RASAL2: variants seen among roughly 807,000 people sequenced by gnomAD.
RASAL2 encodes the protein ras GTPase-activating protein nGAP.
RASAL2 carries 58 observed loss-of-function variants against 128.9 expected under a neutral mutation model. That is an observed-to-expected ratio of 0.45 (90% CI 0.36 to 0.56). The LOEUF (loss-of-function observed/expected upper bound fraction) is 0.56. Ranked by LOEUF, RASAL2 falls within the 20% of genes least tolerant of loss-of-function variation. The pLI, the probability that RASAL2 is intolerant of heterozygous loss-of-function variation, is 0.00. For synonymous variants in RASAL2, 561 were observed against 580.8 expected (o/e 0.97, Z 0.49); for missense variants, 1,360 against 1,601.6 (o/e 0.85, Z 2.57).
rs1648718281 is a variant in RASAL2 at position 178,477,007 on chromosome 1, C to G, written c.*3768C>G. 1 of 152,550 alleles carries G rather than the reference C, an allele frequency of 6.6e-6. No homozygotes were observed. Among genetic ancestry groups the G allele is most frequent in the Non-Finnish European group, 1.5e-5 (1 of 68,074 alleles). The allele number at this position is 152,550 out of a possible 1,614,324, so 9.4% of individuals were successfully genotyped here. On this transcript the variant is annotated 3_prime_UTR_variant, in exon 18 of 18. Transcript: ENST00000367649. ...CTCTTCAGGATTACCTCAGTCCCAT[C>G]AGTCTACCCCATTGTGACATTGAGC... is the stretch of plus-strand genomic sequence containing the variant.
chr1:178,106,414 A>G (rs1237047142), intron 1 of RASAL2, among the ~76,000 whole-genome samples: 1 of 152,158 alleles, frequency 6.6e-6, no homozygotes, highest in Non-Finnish European at 1.5e-5. Context: ...TGAGTGAGGA[A>G]ACCCAAGGCC....
chr1:178,255,255 G>T (rs1553265891), intron 1 of RASAL2, among the ~76,000 whole-genome samples: 1 of 150,714 alleles, frequency 6.6e-6, no homozygotes, highest in Non-Finnish European at 1.5e-5. Context: ...AAATCCAAAT[G>T]AAAAAAAACA....
chr1:178,457,927 C>G lies in RASAL2; in HGVS notation c.2635C>G (p.Leu879Val), dbSNP rs759217846. ...DVPIRLTGSQ[L>V]SITQVASIKQ... is the part of the protein sequence containing the mutation. ...GCCTATACGCTTGACCGGAAGCCAGCTTTCCATAACCCAGGTGGCCAGCAT... is the reference window on the plus strand; with the variant it reads ...GCCTATACGCTTGACCGGAAGCCAGGTTTCCATAACCCAGGTGGCCAGCAT... Residue 879 changes from leucine to valine, a missense_variant, in exon 14 of 18, where the codon CTT becomes GTT. Transcript: ENST00000367649. The G allele has an allele frequency of 1.4e-5, 23 of 1,614,170 alleles. No individual in the cohort carries two copies. Among genetic ancestry groups the G allele is most frequent in the Middle Eastern group, 3.3e-4 (2 of 6,062 alleles).
chr1:178,152,263 G>A (rs1338039076), intron 1 of RASAL2, among the ~76,000 whole-genome samples: 1 of 152,108 alleles, frequency 6.6e-6, no homozygotes, highest in African/African-American at 2.4e-5. Context: ...GGTACTGGGA[G>A]GGTGGTTCAC....
At chr1:178,209,559 TC>T (rs1443940833) in intron 1 of RASAL2, among the ~76,000 whole-genome samples, 1 of 152,194 alleles carries the variant, frequency 6.6e-6, no homozygotes, top group Non-Finnish European at 1.5e-5. Context: ...ATGTCTTTAT[TC>T]CCATTGTTTT....
intron 1 of RASAL2, among the ~76,000 whole-genome samples, chr1:178,162,379 T>A (rs1453631919): frequency 8.6e-6 from 1 of 116,954 alleles, no homozygotes; most frequent in Non-Finnish European, 1.7e-5. Flanking sequence ...TAATATATAT[T>A]TATATATTAT....
chr1:178,459,157 A>G (rs1306981029), intron 14 of RASAL2, among the ~76,000 whole-genome samples: 4 of 152,192 alleles, frequency 2.6e-5, no homozygotes, highest in Admixed American at 6.5e-5. Context: ...TTACATTTCT[A>G]TTTACATGGA....
chr1:178,246,182 A>T lies in RASAL2; in HGVS notation c.203-37382A>T, dbSNP rs138405117. Among the ~76,000 whole-genome samples, 1,371 of 152,246 alleles carry T rather than the reference A, an allele frequency of 9.0e-3. 18 individuals are homozygous for T. The highest frequency in any genetic ancestry group is 0.012 in the Non-Finnish European group (795 of 68,020). ...CAGTATGGTCATTTTCACGATATTG[A>T]TTCTTCCTATCCATGAGCATGGAAT... On this transcript the variant is annotated intron_variant, in intron 1 of 17. Coordinates refer to ENST00000367649, the MANE Select transcript of RASAL2 (RefSeq NM_170692.4).
intron 5 of RASAL2, among the ~76,000 whole-genome samples, chr1:178,432,598 A>G (rs2102802200): frequency 6.6e-6 from 1 of 151,998 alleles, no homozygotes; most frequent in African/African-American, 2.4e-5. Flanking sequence ...TTTTATTTGT[A>G]CTCTCACCTC....
Position 178,465,990 on chromosome 1 carries a change from G to C in RASAL2, c.3458G>C (p.Arg1153Pro). 1 of 1,559,262 alleles carries C rather than the reference G, an allele frequency of 6.4e-7. No individual in the cohort carries two copies. Among genetic ancestry groups the C allele is most frequent in the Non-Finnish European group, 8.7e-7 (1 of 1,150,658 alleles). The change falls in exon 16 of 18, where the codon CGC becomes CCC. Residue 1153 changes from arginine (R) to proline (P), a missense_variant. By Grantham distance (103) the Arg-to-Pro change is moderately radical. Coordinates refer to ENST00000367649, the MANE Select transcript of RASAL2 (RefSeq NM_170692.4). ...VSSRRLEEYE[R>P]RLLVQEQQMQ... ...AGCCGGCGACTGGAGGAATATGAAC[G>C]CCGCTTGCTGGTGCAGGAGCAGCAG...
At chr1:178,416,165 T>A (rs536749391) in intron 4 of RASAL2, among the ~76,000 whole-genome samples, 109 of 152,244 alleles carry the variant, frequency 7.2e-4, no homozygotes, top group African/African-American at 2.5e-3. Flanking sequence ...CCTTTCGTGA[T>A]TGTAATTGAA....
intron 4 of RASAL2, among the ~76,000 whole-genome samples, chr1:178,402,599 T>G (rs1371017726): frequency 6.6e-6 from 1 of 152,154 alleles, no homozygotes; most frequent in Non-Finnish European, 1.5e-5. Flanking sequence ...CCCCCTTCAT[T>G]TTATCCTTAG....
At chr1:178,101,920 T>C (rs949269338) in intron 1 of RASAL2, among the ~76,000 whole-genome samples, 1 of 152,146 alleles carries the variant, frequency 6.6e-6, no homozygotes, top group Non-Finnish European at 1.5e-5. Context: ...GAAATACCAT[T>C]ACCTAGGTAA....
intron 1 of RASAL2, among the ~76,000 whole-genome samples, chr1:178,279,012 A>T (rs1666655775): frequency 6.6e-6 from 1 of 152,196 alleles, no homozygotes; most frequent in Non-Finnish European, 1.5e-5. Context: ...CAGTTACTGA[A>T]TTTATATTAG....
chr1:178,128,408 T>C (rs923192740), intron 1 of RASAL2, among the ~76,000 whole-genome samples: 15 of 152,146 alleles, frequency 9.9e-5, no homozygotes, highest in Non-Finnish European at 1.8e-4. Flanking sequence ...CTTGTTAGTT[T>C]GTTATGAGGA....
At position 178,130,916 on chromosome 1, in the gene RASAL2, CG is replaced by C. The variant is rs1357093115; in HGVS notation, c.202+36224del. 4.0e-5 allele frequency among the ~76,000 whole-genome samples: 6 copies of C among 151,844 alleles called. No homozygotes were observed. In the East Asian group the frequency reaches 1.2e-3, roughly 29 times the overall value. ...AAAAATACAAAAAATTAGCCGGGCG[CG>C]GTGGTGGGTGCCTGTAGTCCCAGCT... On this transcript the variant is annotated intron_variant, in intron 1 of 17. Coordinates refer to ENST00000367649, the MANE Select transcript of RASAL2 (RefSeq NM_170692.4).
In RASAL2 at chr1:178,443,166, G is replaced by T; in HGVS notation, c.1419G>T (p.Val473=). ...CTGTCCTTGAGCCAGTAATTAGTGT[G>T]AGAAATAAAGAGGAGTTGGCTTGTG... ...LCSVLEPVIS[V]RNKEELACAL... The change falls in exon 8 of 18, where the codon GTG becomes GTT. Residue 473 remains valine, a synonymous_variant. Transcript: ENST00000367649. The T allele has an allele frequency of 6.2e-7, 1 of 1,613,784 alleles. No individual in the cohort carries two copies. The highest frequency in any genetic ancestry group is 8.5e-7 in the Non-Finnish European group (1 of 1,179,776).
At chr1:178,254,566 A>G (rs890483619) in intron 1 of RASAL2, among the ~76,000 whole-genome samples, 1 of 152,226 alleles carries the variant, frequency 6.6e-6, no homozygotes, top group African/African-American at 2.4e-5. Flanking sequence ...GCTAAGAAAA[A>G]GCAAGAGTCT....
At chr1:178,157,352 G>A (rs1209425945) in intron 1 of RASAL2, among the ~76,000 whole-genome samples, 1 of 152,136 alleles carries the variant, frequency 6.6e-6, no homozygotes, top group Non-Finnish European at 1.5e-5. Context: ...TGCACAGCCA[G>A]AGCTTGGAAT....
Sources: allele counts gnomAD v4.1 joint callset (sites outside exome capture counted in the v4.1 genomes callset), GRCh38; gene constraint gnomAD v4.1.1; transcripts MANE v1.5; gene names NCBI Gene and HGNC (gene_info 2026-07-23, HGNC 2026-07-21).